The following ALG12 variants were observed in gnomAD, a reference collection of about 807,000 sequenced individuals.
The protein encoded by ALG12 is ALG12 alpha-1,6-mannosyltransferase.
Under a neutral mutation model 46.0 loss-of-function variants are expected in ALG12, and 36 were observed. The observed-to-expected ratio is 0.78, with a 90% CI of 0.60 to 1.03. The LOEUF is 1.03. Ranked by LOEUF, ALG12 falls within the 50% of genes least tolerant of loss-of-function variation. ALG12 has a pLI of 0.00. For synonymous variants in ALG12, 326 were observed against 291.6 expected, an observed-to-expected ratio of 1.12 and a Z score of -1.20; for missense variants, 599 against 633.5, an observed-to-expected ratio of 0.95 and a Z score of 0.58.
At chr22:49,896,575 A>G (rs2060484244), downstream of ALG12, among the ~76,000 whole-genome samples, 2 of 152,286 alleles carry the variant, frequency 1.3e-5, no homozygotes, top group African/African-American at 2.4e-5. Context: ...TGAAGTCTTA[A>G]TATCTTTTCT....
At chr22:49,886,902 G>T in the ALG12 span, 6 of 1,614,040 alleles carry the variant, frequency 3.7e-6, no homozygotes, top group African/African-American at 8.0e-5. The surrounding 1 kb of genome is among the most constrained non-coding windows in gnomAD (Gnocchi z 7.7). Context: ...GAGAAAAGCT[G>T]CCTGAAGCCA....
chr22:49,889,544 T>C, the ALG12 span: 1 of 167,206 alleles, frequency 6.0e-6, no homozygotes, highest in Non-Finnish European at 1.5e-5. Context: ...AGTCAGTGTA[T>C]AAAAGGGGAT....
Position 49,902,941 on chromosome 22 carries a change from G to T in ALG12, c.*897C>A. The T allele has an allele frequency of 3.6e-6, 1 of 274,032 alleles. No homozygotes were observed. The highest frequency in any genetic ancestry group is 7.1e-6 in the Non-Finnish European group (1 of 141,628). 17.0% of individuals were successfully genotyped at this position (274,032 alleles called of 1,614,324 possible). A position where few individuals can be genotyped will look rare whatever the true frequency, so the allele number is the denominator to read the frequency against. The stretch of plus-strand genomic sequence containing the variant: ...TGTGTGCACGTGTGCACGGTGTGTG[G>T]TGTGTATGCATGGTGTGTGCACGTG... On this transcript the variant is annotated 3_prime_UTR_variant, in exon 10 of 10. Transcript: ENST00000330817.
chr22:49,910,502 G>T lies in ALG12; in HGVS notation c.401C>A (p.Thr134Lys). 6.2e-7 allele frequency: 1 copy of T among 1,613,988 alleles called. No homozygotes were observed. The highest frequency in any genetic ancestry group is 1.1e-5 in the South Asian group (1 of 91,090). ...AMVATMFCWV[T>K]AMQFHLMFYC... ...GAACATCAGGTGGAACTGCATGGCC[G>T]TCACCCAGCAGAACATGGTGGCCAC... Residue 134 changes from threonine to lysine, a missense_variant, in exon 4 of 10, where the codon ACG becomes AAG. Thr to Lys is a moderately conservative substitution (Grantham distance 78, BLOSUM62 -1). Coordinates refer to ENST00000330817, the MANE Select transcript of ALG12 (RefSeq NM_024105.4).
At chr22:49,878,070 C>T in the ALG12 span, among the ~76,000 whole-genome samples, 3 of 151,960 alleles carry the variant, frequency 2.0e-5, no homozygotes, top group Non-Finnish European at 2.9e-5. Flanking sequence ...TTTGGGAGGC[C>T]GAGATGGGCG....
At chr22:49,899,445 T>TC (rs2060495295), downstream of ALG12, among the ~76,000 whole-genome samples, 1 of 149,380 alleles carries the variant, frequency 6.7e-6, no homozygotes, top group Non-Finnish European at 1.5e-5. Context: ...ACCACTGCAC[T>TC]CCAGCCTGGG....
At chr22:49,913,908 C>T (rs1160790814) in intron 1 of ALG12, 65 bp from the exon 2 acceptor site, 39 of 1,054,282 alleles carry the variant, frequency 3.7e-5, no homozygotes, top group South Asian at 2.1e-4. Flanking sequence ...TTGGGAGATC[C>T]GGGTAAAGGG....
the ALG12 span, chr22:49,885,122 G>A: frequency 6.2e-7 from 1 of 1,614,214 alleles, no homozygotes; most frequent in Non-Finnish European, 8.5e-7. Flanking sequence ...ATCAGCCGGG[G>A]GAAGAAGGGT....
intron 5 of ALG12, 99 bp from the exon 6 acceptor site, chr22:49,909,446 T>G (rs1601823055): frequency 7.9e-7 from 1 of 1,260,134 alleles, no homozygotes; most frequent in East Asian, 2.5e-5. Flanking sequence ...ACAAGCTGCT[T>G]TCATATAAAA....
Position 49,903,945 on chromosome 22 carries a change from C to T in ALG12, c.1360G>A (p.Val454Ile), listed in dbSNP as rs777096831. ...YRDTHRVLAS[V>I]VGTTGVSLNL... The stretch of plus-strand genomic sequence containing the variant: ...AGACTCACACCTGTGGTCCCCACGA[C>T]GCTGGCCAGGACCCGGTGTGTGTCC... The change falls in exon 10 of 10, where the codon GTC becomes ATC. Residue 454 changes from valine (V) to isoleucine (I), a missense_variant. Transcript: ENST00000330817. The T allele has an allele frequency of 8.9e-5, 144 of 1,614,094 alleles. No individual in the cohort carries two copies. Among genetic ancestry groups the T allele is most frequent in the Non-Finnish European group, 1.2e-4 (136 of 1,180,022 alleles).
chr22:49,886,689 T>C, the ALG12 span: 1 of 1,612,968 alleles, frequency 6.2e-7, no homozygotes, highest in Non-Finnish European at 8.5e-7. This position sits in a 1 kb window ranked among gnomAD's most constrained non-coding sequence, Gnocchi z 7.7. Context: ...CGCTGCTGGA[T>C]CCTCGCTACA....
At chr22:49,913,307 G>A in intron 3 of ALG12, 78 bp downstream of exon 3, 2 of 1,597,046 alleles carry the variant, frequency 1.3e-6, no homozygotes, top group Non-Finnish European at 1.7e-6. Context: ...CTGGGCAGGA[G>A]GGACCGCGGC....
the ALG12 span, chr22:49,888,849 C>G: frequency 3.0e-5 from 5 of 167,236 alleles, no homozygotes; most frequent in African/African-American, 1.2e-4. Flanking sequence ...CATGGCCCAC[C>G]CATCTCTCCC....
chr22:49,874,066 C>G, the ALG12 span, among the ~76,000 whole-genome samples: 1 of 152,250 alleles, frequency 6.6e-6, no homozygotes. Flanking sequence ...AGAGGCCTTA[C>G]AACCTTTATG....
rs562135391 is a variant in ALG12 at position 49,915,705 on chromosome 22, G to A, written c.-78-1862C>T. On this transcript the variant is annotated intron_variant, in intron 1 of 9. Transcript: ENST00000330817. Reference sequence around the variant, plus strand: ...CTTGCTAAGACACAAGCTTTTTGACGGTGGGGGGTTTTTGATGCTGGATGA... The same window carrying A: ...CTTGCTAAGACACAAGCTTTTTGACAGTGGGGGGTTTTTGATGCTGGATGA... Among the ~76,000 whole-genome samples, 299 of 152,288 alleles carry A rather than the reference G, an allele frequency of 2.0e-3. 1 individual carries two copies. Among genetic ancestry groups the A allele is most frequent in the African/African-American group, 6.6e-3 (274 of 41,560 alleles).
At chr22:49,915,982 G>A (rs527394346) in intron 1 of ALG12, among the ~76,000 whole-genome samples, 23 of 152,308 alleles carry the variant, frequency 1.5e-4, no homozygotes, top group Admixed American at 5.2e-4. Flanking sequence ...TCCAGCAGCC[G>A]GGAGCGGTGG....
At chr22:49,895,284 G>A (rs926921065), downstream of ALG12, among the ~76,000 whole-genome samples, 10 of 152,236 alleles carry the variant, frequency 6.6e-5, no homozygotes, top group South Asian at 6.2e-4. Flanking sequence ...CATTCTAGTC[G>A]TTTCTCGTTA....
At chr22:49,885,410 G>T in the ALG12 span, 2 of 1,607,026 alleles carry the variant, frequency 1.2e-6, no homozygotes, top group South Asian at 2.2e-5. Context: ...TTGCACTGTG[G>T]CCGGACCATC....
intron 1 of ALG12, among the ~76,000 whole-genome samples, chr22:49,916,128 G>A (rs922145953): frequency 2.0e-5 from 3 of 151,800 alleles, no homozygotes; most frequent in Admixed American, 6.6e-5. Flanking sequence ...GAGTGGTGGC[G>A]AGTAGTCCCA....
Sources: allele counts gnomAD v4.1 joint callset (sites outside exome capture counted in the v4.1 genomes callset), GRCh38; gene constraint gnomAD v4.1.1; non-coding constraint Gnocchi (gnomAD v3.1); transcripts MANE v1.5; gene names NCBI Gene and HGNC (gene_info 2026-07-23, HGNC 2026-07-21).